The following ZNF804B variants were observed in gnomAD, a reference collection of about 807,000 sequenced individuals.
ZNF804B encodes zinc finger 804B.
ZNF804B carries 80 observed loss-of-function variants against 101.4 expected under a neutral mutation model. That is an observed-to-expected ratio of 0.79 (90% confidence interval 0.66 to 0.95). The LOEUF (loss-of-function observed/expected upper bound fraction) is 0.95. ZNF804B is among the 40% of genes least tolerant of loss of function. The pLI is 0.00. For synonymous variants in ZNF804B, 622 were observed against 558.8 expected, an observed-to-expected ratio of 1.11 and a Z score of -1.59; for missense variants, 1,673 against 1,561.9, an observed-to-expected ratio of 1.07 and a Z score of -1.20.
chr7:89,096,307 T>C (rs569350880), intron 1 of ZNF804B, among the ~76,000 whole-genome samples: 2 of 152,156 alleles, frequency 1.3e-5, no homozygotes, highest in South Asian at 4.1e-4. Flanking sequence ...AGTGTGGAAA[T>C]TCAGTGTCAC....
At chr7:89,151,700 GA>G (rs35294486) in intron 1 of ZNF804B, among the ~76,000 whole-genome samples, 83 of 148,846 alleles carry the variant, frequency 5.6e-4, no homozygotes, top group East Asian at 4.6e-3. Context: ...CAGATCTCCT[GA>G]AAAAAAAAAA....
At chr7:89,096,160 A>C (rs1199633045) in intron 1 of ZNF804B, among the ~76,000 whole-genome samples, 1 of 151,952 alleles carries the variant, frequency 6.6e-6, no homozygotes, top group Non-Finnish European at 1.5e-5. Context: ...ATTTAAAAAA[A>C]AAAAAAAAAA....
At chr7:89,044,267 C>A (rs750344593) in intron 1 of ZNF804B, among the ~76,000 whole-genome samples, 1 of 152,170 alleles carries the variant, frequency 6.6e-6, no homozygotes, top group Non-Finnish European at 1.5e-5. Context: ...CTTCCCCTTT[C>A]GCCATGATTG....
At chr7:89,207,982 A>T (rs34278148) in intron 1 of ZNF804B, among the ~76,000 whole-genome samples, 34,326 of 151,782 alleles carry the variant, frequency 0.23, 4,268 homozygotes, top group Non-Finnish European at 0.27. Context: ...TATGTTCTGT[A>T]TTAGAGAAAC....
intron 1 of ZNF804B, among the ~76,000 whole-genome samples, chr7:88,985,643 A>G (rs1164411964): frequency 6.6e-6 from 1 of 152,138 alleles, no homozygotes; most frequent in Non-Finnish European, 1.5e-5. Flanking sequence ...AAGAGGAAAA[A>G]GCCACAAACA....
chr7:89,202,140 A>C (rs190131324), intron 1 of ZNF804B, among the ~76,000 whole-genome samples: 1 of 152,214 alleles, frequency 6.6e-6, no homozygotes, highest in East Asian at 1.9e-4. Context: ...ATCATAACTA[A>C]ATCCCTACCC....
chr7:89,333,501 C>T lies in ZNF804B; in HGVS notation c.519C>T (p.Leu173=), dbSNP rs370064148. The change falls in exon 4 of 4, where the codon CTC becomes CTT. Residue 173 remains leucine, a synonymous_variant. Transcript: ENST00000333190. ...KSALLLKGKN[L]PRIISDKQRS... is the part of the protein sequence containing the mutation. ...CTCTTCTCCTTAAAGGAAAAAATCT[C>T]CCCAGAATCATATCCGATAAACAGC... 14 of 1,613,288 alleles carry T rather than the reference C, an allele frequency of 8.7e-6. No homozygotes were observed. The African/African-American group carries it at 1.9e-4, about 22-fold the overall frequency.
At position 88,780,676 on chromosome 7, in the gene ZNF804B, T is replaced by C. The variant is rs190247382; in HGVS notation, c.108+20592T>C. Reference sequence around the variant, plus strand: ...TGCTAGGATTACAGGCATAAGCCACTGCATGTGGCCTAATGGTAAAGACTC... The same window carrying C: ...TGCTAGGATTACAGGCATAAGCCACCGCATGTGGCCTAATGGTAAAGACTC... On this transcript the variant is annotated intron_variant, in intron 1 of 3. Transcript: ENST00000333190. 1.5e-3 allele frequency among the ~76,000 whole-genome samples: 235 copies of C among 152,202 alleles called. 3 individuals are homozygous for C. The highest frequency in any genetic ancestry group is 5.2e-3 in the African/African-American group (215 of 41,524).
At chr7:88,935,180 GA>G (rs1404045801) in intron 1 of ZNF804B, among the ~76,000 whole-genome samples, 1 of 151,596 alleles carries the variant, frequency 6.6e-6, no homozygotes, top group Non-Finnish European at 1.5e-5. Flanking sequence ...TTCAGAAATG[GA>G]AAACCAAATA....
chr7:89,083,096 G>A (rs1294404107), intron 1 of ZNF804B, among the ~76,000 whole-genome samples: 1 of 151,620 alleles, frequency 6.6e-6, no homozygotes, highest in Non-Finnish European at 1.5e-5. Flanking sequence ...AATGCCTTTT[G>A]TAAATGCCTC....
intron 1 of ZNF804B, among the ~76,000 whole-genome samples, chr7:88,964,839 G>A (rs1009065337): frequency 1.3e-5 from 2 of 151,358 alleles, no homozygotes; most frequent in African/African-American, 2.4e-5. Context: ...TTTGAAGAGA[G>A]CAGAGCTCCA....
chr7:88,885,586 C>G, intron 1 of ZNF804B, among the ~76,000 whole-genome samples: 1 of 150,404 alleles, frequency 6.6e-6, no homozygotes, highest in Non-Finnish European at 1.5e-5. Flanking sequence ...CAAAGAACAA[C>G]TATAAGCAAT....
intron 1 of ZNF804B, among the ~76,000 whole-genome samples, chr7:88,884,248 G>A (rs1044827559): frequency 1.3e-5 from 2 of 151,054 alleles, no homozygotes; most frequent in African/African-American, 4.9e-5. Flanking sequence ...TAATTTATAG[G>A]CTTTACATAA....
chr7:89,256,534 G>C, intron 2 of ZNF804B, among the ~76,000 whole-genome samples: 1 of 52,438 alleles, frequency 1.9e-5, no homozygotes, highest in East Asian at 2.3e-4. Context: ...AACAGAGCAA[G>C]ACTGTCAAAA....
chr7:88,802,087 T>C (rs1383703030), intron 1 of ZNF804B, among the ~76,000 whole-genome samples: 3 of 152,056 alleles, frequency 2.0e-5, no homozygotes, highest in African/African-American at 7.2e-5. Context: ...GCTTTAAAAA[T>C]GGCGGTATCT....
At chr7:88,760,882 T>C (rs1314220514) in intron 1 of ZNF804B, among the ~76,000 whole-genome samples, 2 of 128,234 alleles carry the variant, frequency 1.6e-5, no homozygotes, top group African/African-American at 3.5e-5. Context: ...GTGTGTGTAA[T>C]TTATATATAT....
intron 1 of ZNF804B, among the ~76,000 whole-genome samples, chr7:88,970,248 G>C (rs563675860): frequency 6.6e-6 from 1 of 151,586 alleles, no homozygotes; most frequent in South Asian, 2.1e-4. Context: ...GTGCAGGCTT[G>C]TTACATAGGT....
chr7:88,789,170 A>T (rs1790343972), intron 1 of ZNF804B, among the ~76,000 whole-genome samples: 1 of 152,116 alleles, frequency 6.6e-6, no homozygotes, highest in Admixed American at 6.6e-5. Context: ...AAACACAGAA[A>T]TGGTAATAAG....
intron 1 of ZNF804B, among the ~76,000 whole-genome samples, chr7:89,206,939 CAT>C (rs531183493): frequency 8.1e-4 from 123 of 152,334 alleles, no homozygotes; most frequent in African/African-American, 2.8e-3. Flanking sequence ...TTTGCTAAAA[CAT>C]AACAAGAGTC....
Sources: allele counts gnomAD v4.1 joint callset (sites outside exome capture counted in the v4.1 genomes callset), GRCh38; gene constraint gnomAD v4.1.1; transcripts MANE v1.5; gene names NCBI Gene and HGNC (gene_info 2026-07-23, HGNC 2026-07-21).